Variants in ROBO2 observed in about 807,000 individuals in gnomAD.
The protein encoded by ROBO2 is roundabout homolog 2.
ROBO2 carries 53 observed loss-of-function variants against 160.8 expected under a neutral mutation model. That is an observed-to-expected ratio of 0.33 (90% CI 0.26 to 0.41). The LOEUF is 0.41. Ranked by LOEUF, ROBO2 falls within the 10% of genes least tolerant of loss-of-function variation. The pLI is 1.00. For missense variants in ROBO2, 1,577 were observed against 1,722.4 expected, an observed-to-expected ratio of 0.92 and a Z score of 1.49; for synonymous variants, 664 against 611.7, an observed-to-expected ratio of 1.09 and a Z score of -1.26.
chr3:76,813,935 T>C (rs2065427905), intron 2 of ROBO2, among the ~76,000 whole-genome samples: 1 of 152,106 alleles, frequency 6.6e-6, no homozygotes, highest in Non-Finnish European at 1.5e-5. Context: ...TAGCAATCTT[T>C]TCAATAAGTA....
At chr3:77,093,768 C>T (rs2070662473) in intron 1 of ROBO2, among the ~76,000 whole-genome samples, 1 of 152,018 alleles carries the variant, frequency 6.6e-6, no homozygotes, top group Admixed American at 6.6e-5. Context: ...ATCTTTCTCT[C>T]TCTCTCTCTA....
At chr3:76,446,128 C>T (rs1040570704) in intron 2 of ROBO2, among the ~76,000 whole-genome samples, 1 of 152,018 alleles carries the variant, frequency 6.6e-6, no homozygotes, top group African/African-American at 2.4e-5. Context: ...CATGATTGTA[C>T]ATTTAGAAAA....
At chr3:76,277,029 T>A (rs1374806421) in intron 2 of ROBO2, among the ~76,000 whole-genome samples, 1 of 152,060 alleles carries the variant, frequency 6.6e-6, no homozygotes, top group African/African-American at 2.4e-5. Flanking sequence ...ATTTTATGCA[T>A]GAAACAAAGT....
At chr3:75,997,195 C>T (rs2065753287) in intron 2 of ROBO2, among the ~76,000 whole-genome samples, 1 of 152,130 alleles carries the variant, frequency 6.6e-6, no homozygotes, top group African/African-American at 2.4e-5. Context: ...CATTTTAGCA[C>T]ATATGTTAAT....
chr3:77,223,121 T>C (rs1013189905), intron 2 of ROBO2, among the ~76,000 whole-genome samples: 2 of 152,208 alleles, frequency 1.3e-5, no homozygotes, highest in African/African-American at 2.4e-5. Context: ...GCTTAAAGTT[T>C]AGCTGAAATC....
intron 2 of ROBO2, among the ~76,000 whole-genome samples, chr3:77,138,280 G>GA (rs1317665036): frequency 6.6e-6 from 1 of 152,154 alleles, no homozygotes; most frequent in African/African-American, 2.4e-5. Context: ...TATAGTTTGT[G>GA]AAAATACAAT....
chr3:77,602,318 C>A (rs748814415), exon 20 of ROBO2: 2 of 1,614,148 alleles, frequency 1.2e-6, no homozygotes, highest in South Asian at 1.1e-5. Context: ...TACAACAGTT[C>A]CAGCCAAATA....
At chr3:77,642,797 C>T in intron 24 of ROBO2, 1 of 456,724 alleles carries the variant, frequency 2.2e-6, no homozygotes, top group South Asian at 1.5e-5. Flanking sequence ...AGACAACATG[C>T]ATCCAGCTTA....
chr3:77,097,163 A>G (rs2071194106), intron 1 of ROBO2, among the ~76,000 whole-genome samples: 1 of 152,178 alleles, frequency 6.6e-6, no homozygotes, highest in Admixed American at 6.5e-5. Flanking sequence ...TTGCTGTATC[A>G]GCTTCCTTCC....
chr3:76,397,832 C>A (rs1243990832), intron 2 of ROBO2, among the ~76,000 whole-genome samples: 1 of 151,668 alleles, frequency 6.6e-6, no homozygotes, highest in Non-Finnish European at 1.5e-5. Flanking sequence ...ACAACAGGTG[C>A]TGGAGAGGAT....
At chr3:76,641,781 T>C (rs7614035) in intron 2 of ROBO2, among the ~76,000 whole-genome samples, 50,348 of 152,074 alleles carry the variant, frequency 0.33, 10,252 homozygotes, top group African/African-American at 0.58. Flanking sequence ...CTCTATCACC[T>C]AGGCTGAGTT....
At chr3:76,461,481 C>T (rs1229534829) in intron 2 of ROBO2, among the ~76,000 whole-genome samples, 1 of 152,016 alleles carries the variant, frequency 6.6e-6, no homozygotes, top group Non-Finnish European at 1.5e-5. Flanking sequence ...CTGTATCACA[C>T]AATGCTTAAA....
chr3:77,553,415 T>C (rs1235690752), intron 8 of ROBO2, among the ~76,000 whole-genome samples: 5 of 151,914 alleles, frequency 3.3e-5, no homozygotes, highest in Admixed American at 6.6e-5. Context: ...ATCTCTACAG[T>C]GGCCTCCATG....
chr3:76,565,759 A>G (rs931893507), intron 2 of ROBO2, among the ~76,000 whole-genome samples: 8 of 152,094 alleles, frequency 5.3e-5, no homozygotes, highest in Admixed American at 4.6e-4. Context: ...ATTTTTACTT[A>G]TTTGTTTCTG....
chr3:76,166,232 T>A (rs2072832247), intron 2 of ROBO2, among the ~76,000 whole-genome samples: 1 of 152,152 alleles, frequency 6.6e-6, no homozygotes, highest in Admixed American at 6.5e-5. Flanking sequence ...CTGTACATAT[T>A]TTTGGTTTGG....
chr3:76,575,812 A>G (rs957384166), intron 2 of ROBO2, among the ~76,000 whole-genome samples: 2 of 152,110 alleles, frequency 1.3e-5, no homozygotes, highest in African/African-American at 4.8e-5. Flanking sequence ...GCCCCTCAGT[A>G]AAAGAGCTAA....
At chr3:76,731,879 T>C (rs183773839) in intron 2 of ROBO2, among the ~76,000 whole-genome samples, 2 of 152,276 alleles carry the variant, frequency 1.3e-5, no homozygotes, top group East Asian at 3.9e-4. Flanking sequence ...ATATCAAATA[T>C]GCCTGAAGTG....
intron 2 of ROBO2, among the ~76,000 whole-genome samples, chr3:76,170,520 C>T (rs1031268391): frequency 1.3e-5 from 2 of 152,126 alleles, no homozygotes; most frequent in African/African-American, 2.4e-5. Context: ...TTATACTACG[C>T]AAATTAGACA....
At chr3:77,527,050 GT>G (rs1490258819) in intron 6 of ROBO2, among the ~76,000 whole-genome samples, 2 of 151,440 alleles carry the variant, frequency 1.3e-5, no homozygotes, top group Non-Finnish European at 3.0e-5. Context: ...TTGCTAGTCT[GT>G]GACTTGAATA....
Sources: gnomAD v4.1 joint callset for allele counts (sites outside exome capture counted in the v4.1 genomes callset) on GRCh38, gnomAD v4.1.1 for gene constraint, MANE v1.5 for transcripts, NCBI Gene and HGNC (gene_info 2026-07-23, HGNC 2026-07-21) for gene names.